Variants in TBL3 observed in about 807,000 individuals in gnomAD.
The protein encoded by TBL3 is transducin beta-like protein 3.
In TBL3, 71 loss-of-function variants were observed where a neutral mutation model predicts 102.7. That is an observed-to-expected ratio of 0.69 (90% CI 0.57 to 0.84). TBL3 has a LOEUF of 0.84. TBL3 is among the 40% of genes least tolerant of loss of function. The pLI is 0.00. For synonymous variants in TBL3, 578 were observed against 477.7 expected (o/e 1.21, Z -2.74); for missense variants, 1,188 against 1,098.5 (o/e 1.08, Z -1.15).
At chr16:1,975,305 AG>A (rs777442930) in intron 8 of TBL3, 39 bp from the exon 9 acceptor site, 13 of 1,613,630 alleles carry the variant, frequency 8.1e-6, no homozygotes, top group Admixed American at 1.7e-5. Context: ...TTGGGTGGGG[AG>A]GGGGCATGAT....
In TBL3 at chr16:1,980,901, C is replaced by G; in HGVS notation, c.*2216C>G. The G allele has an allele frequency of 6.3e-7, 1 of 1,576,158 alleles. No homozygotes were observed. Among genetic ancestry groups the G allele is most frequent in the Non-Finnish European group, 8.7e-7 (1 of 1,149,328 alleles). On this transcript the variant is annotated 3_prime_UTR_variant, in exon 22 of 22. Coordinates refer to ENST00000568546, the MANE Select transcript of TBL3 (RefSeq NM_006453.3). ...AGTGGGAGGCAGCCGCGTGGGGAAG[C>G]CGCCACCGCGGCATCAGGGTGGCCC... is the stretch of plus-strand genomic sequence containing the variant.
rs757104646 is a variant in TBL3 at position 1,975,961 on chromosome 16, C to A, written c.1129+12C>A. ...CCACGGCCACACGGGTGAGTGGGGC[C>A]AGCCCACCTGACACCCTGGGAGCCG... On this transcript the variant is annotated intron_variant, in intron 11 of 21. Transcript: ENST00000568546. 1 of 1,614,060 alleles carries A rather than the reference C, an allele frequency of 6.2e-7. No homozygotes were observed. The highest frequency in any genetic ancestry group is 1.3e-5 in the African/African-American group (1 of 74,956).
In TBL3 at chr16:1,976,219, C is replaced by T. The variant is rs368045313; in HGVS notation, c.1197C>T (p.Ser399=). ...WLFASCAKDQ[S]VRIWRMNKAG... is the part of the protein sequence containing the mutation. ...CAACTCCCTGTCCCCAGGATCAGAG[C>T]GTCCGTATCTGGAGAATGAACAAGG... The change falls in exon 13 of 22, where the codon AGC becomes AGT. Residue 399 remains serine (S), a synonymous_variant. Transcript: ENST00000568546. The T allele has an allele frequency of 1.3e-5, 21 of 1,614,056 alleles. No homozygotes were observed. The highest frequency in any genetic ancestry group is 1.7e-5 in the Non-Finnish European group (20 of 1,180,036).
chr16:1,976,904 C>T lies in TBL3; in HGVS notation c.1383C>T (p.Ala461=). ...LPKALLSKNT[A]PDNGPILLQA... ...AAGCCTTGCTGTCCAAGAACACAGC[C>T]CCAGACAACGGCCCTATCCTCCTGC... is the stretch of plus-strand genomic sequence containing the variant. The change falls in exon 14 of 22, where the codon GCC becomes GCT. Residue 461 remains alanine (A), a synonymous_variant. Coordinates refer to ENST00000568546, the MANE Select transcript of TBL3 (RefSeq NM_006453.3). The T allele has an allele frequency of 6.2e-7, 1 of 1,613,972 alleles. No homozygotes were observed. The highest frequency in any genetic ancestry group is 1.3e-5 in the African/African-American group (1 of 75,020).
In TBL3 at chr16:1,977,342, C is replaced by T; in HGVS notation, c.1672-14C>T. The T allele has an allele frequency of 6.2e-7, 1 of 1,613,504 alleles. No individual in the cohort carries two copies. The highest frequency in any genetic ancestry group is 1.1e-5 in the South Asian group (1 of 91,084). Reference sequence around the variant, plus strand: ...GCCCTGGTGACATCTCATGCCCTACCCCCCACCTTGCAGACATTTGAGGGG... The same window carrying T: ...GCCCTGGTGACATCTCATGCCCTACTCCCCACCTTGCAGACATTTGAGGGG... On this transcript the variant is annotated splice_polypyrimidine_tract_variant and intron_variant, in intron 15 of 21. Transcript: ENST00000568546.
At position 1,979,656 on chromosome 16, in the gene TBL3, C is replaced by T. The variant is rs1259727065; in HGVS notation, c.*971C>T. ...TGCTGACGGCGGGGCCGCTCTAAGA[C>T]CGGTTCGGGGCTTCCTCTAGGTGCG... On this transcript the variant is annotated 3_prime_UTR_variant, in exon 22 of 22. Transcript: ENST00000568546. 5 of 1,225,286 alleles carry T rather than the reference C, an allele frequency of 4.1e-6. No homozygotes were observed. Among genetic ancestry groups the T allele is most frequent in the African/African-American group, 1.5e-5 (1 of 66,776 alleles). The allele number at this position is 1,225,286 out of a possible 1,614,324, so 75.9% of individuals were successfully genotyped here. A position where few individuals can be genotyped will look rare whatever the true frequency, so the allele number is the denominator to read the frequency against.
In TBL3 at chr16:1,974,694, T is replaced by C. The variant is rs754053349; in HGVS notation, c.379+15T>C. The C allele has an allele frequency of 6.2e-7, 1 of 1,611,330 alleles. No individual in the cohort carries two copies. Among genetic ancestry groups the C allele is most frequent in the East Asian group, 2.2e-5 (1 of 44,844 alleles). On this transcript the variant is annotated intron_variant, in intron 5 of 21. Transcript: ENST00000568546. The stretch of plus-strand genomic sequence containing the variant: ...GCTAGCCACAGGTAGGGCCCTGCCG[T>C]GCAGGTGGGTCGTGGGCACAGATGC...
At chr16:1,973,688 G>A (rs1419108166) in intron 1 of TBL3, among the ~76,000 whole-genome samples, 2 of 152,140 alleles carry the variant, frequency 1.3e-5, no homozygotes, top group African/African-American at 4.8e-5. Flanking sequence ...CTGGGAGGAT[G>A]TGCTCTGGGC....
At position 1,975,025 on chromosome 16, in the gene TBL3, C is replaced by T. The variant is rs1236559690; in HGVS notation, c.562C>T (p.Leu188=). The T allele has an allele frequency of 3.7e-6, 6 of 1,607,062 alleles. No individual in the cohort carries two copies. In the African/African-American group the frequency reaches 8.0e-5, roughly 21 times the overall value. The change falls in exon 7 of 22, where the codon CTG becomes TTG. Residue 188 remains leucine, a synonymous_variant. Coordinates refer to ENST00000568546, the MANE Select transcript of TBL3 (RefSeq NM_006453.3). ...GTGGTCACTGCAGGACCGGTCATGC[C>T]TGGCTGTGCTGACTGCCCACTACAG... is the stretch of plus-strand genomic sequence containing the variant. ...RVWSLQDRSC[L]AVLTAHYSAV...
chr16:1,979,455 T>A lies in TBL3; in HGVS notation c.*770T>A, dbSNP rs759518915. The A allele has an allele frequency of 6.2e-7, 1 of 1,611,284 alleles. No individual in the cohort carries two copies. The highest frequency in any genetic ancestry group is 1.3e-5 in the African/African-American group (1 of 74,978). On this transcript the variant is annotated 3_prime_UTR_variant, in exon 22 of 22. Transcript: ENST00000568546. ...TAGCCACCAGCCGCGGTCTGACGTT[T>A]CCAACACGCGCACGCGCGCCCCCGC... is the stretch of plus-strand genomic sequence containing the variant.
chr16:1,979,865 A>C lies in TBL3; in HGVS notation c.*1180A>C. On this transcript the variant is annotated 3_prime_UTR_variant, in exon 22 of 22. Coordinates refer to ENST00000568546, the MANE Select transcript of TBL3 (RefSeq NM_006453.3). ...TCCTCCAGGTAGGGCGCTGGAAACC[A>C]GGCGGTCTGCCGGTCTTCGTTCTCC... The C allele has an allele frequency of 6.3e-7, 1 of 1,581,842 alleles. No individual in the cohort carries two copies. The highest frequency in any genetic ancestry group is 8.6e-7 in the Non-Finnish European group (1 of 1,165,200).
chr16:1,979,866 G>T lies in TBL3; in HGVS notation c.*1181G>T. ...CCTCCAGGTAGGGCGCTGGAAACCA[G>T]GCGGTCTGCCGGTCTTCGTTCTCCA... On this transcript the variant is annotated 3_prime_UTR_variant, in exon 22 of 22. Transcript: ENST00000568546. 1 of 1,581,900 alleles carries T rather than the reference G, an allele frequency of 6.3e-7. No individual in the cohort carries two copies.
Position 1,980,836 on chromosome 16 carries a change from C to G in TBL3, c.*2151C>G. ...CAGGGGCTGGGAGCTTCAGCAGGGA[C>G]GAAGGGCCTCCAGTGGGAGTCACTG... On this transcript the variant is annotated 3_prime_UTR_variant, in exon 22 of 22. Transcript: ENST00000568546. The G allele has an allele frequency of 2.0e-6, 3 of 1,464,176 alleles. No homozygotes were observed. The highest frequency in any genetic ancestry group is 2.8e-6 in the Non-Finnish European group (3 of 1,064,076). The allele number at this position is 1,464,176 out of a possible 1,614,324, so 90.7% of individuals were successfully genotyped here.
chr16:1,981,111 T>C lies in TBL3; in HGVS notation c.*2426T>C. On this transcript the variant is annotated 3_prime_UTR_variant, in exon 22 of 22. Transcript: ENST00000568546. ...GGCCACTAAGGACCCAGCCAGGTCT[T>C]ACTTGGAGCCTCTTGATCTGCACCA... 6.2e-7 allele frequency: 1 copy of C among 1,613,386 alleles called. No homozygotes were observed. Among genetic ancestry groups the C allele is most frequent in the South Asian group, 1.1e-5 (1 of 91,084 alleles).
At position 1,974,572 on chromosome 16, in the gene TBL3, C is replaced by G; in HGVS notation, c.272C>G (p.Ala91Gly). Residue 91 changes from alanine (A) to glycine (G), a missense_variant, in exon 5 of 22, where the codon GCT becomes GGT. Physicochemically the swap from Ala to Gly is moderately conservative, Grantham distance 60 (BLOSUM62 0). Transcript: ENST00000568546. ...LVTASRALLL[A>G]QWAWQEGSVT... ...ACAGCCAGTCGGGCATTGCTGCTGGCTCAGTGGGCCTGGCAAGAGGGCAGC... is the reference window on the plus strand; with the variant it reads ...ACAGCCAGTCGGGCATTGCTGCTGGGTCAGTGGGCCTGGCAAGAGGGCAGC... 6.2e-7 allele frequency: 1 copy of G among 1,610,762 alleles called. No individual in the cohort carries two copies. Among genetic ancestry groups the G allele is most frequent in the Admixed American group, 1.7e-5 (1 of 59,922 alleles).
At position 1,979,441 on chromosome 16, in the gene TBL3, C is replaced by A. The variant is rs779276996; in HGVS notation, c.*756C>A. 1.9e-6 allele frequency: 3 copies of A among 1,610,332 alleles called. No homozygotes were observed. The highest frequency in any genetic ancestry group is 2.2e-5 in the East Asian group (1 of 44,808). ...CCCGCGTACCTGCATAGCCACCAGC[C>A]GCGGTCTGACGTTTCCAACACGCGC... On this transcript the variant is annotated 3_prime_UTR_variant, in exon 22 of 22. Coordinates refer to ENST00000568546, the MANE Select transcript of TBL3 (RefSeq NM_006453.3).
chr16:1,979,138 G>A lies in TBL3; in HGVS notation c.*453G>A. 3 of 1,473,864 alleles carry A rather than the reference G, an allele frequency of 2.0e-6. No homozygotes were observed. Among genetic ancestry groups the A allele is most frequent in the Non-Finnish European group, 2.7e-6 (3 of 1,124,410 alleles). The allele number at this position is 1,473,864 out of a possible 1,614,324, so 91.3% of individuals were successfully genotyped here. A position where few individuals can be genotyped will look rare whatever the true frequency, so the allele number is the denominator to read the frequency against. ...CGTGGGCGCCGCTCCAGGGCCCTGC[G>A]TGTGACGGTGCAGCAGCGGCTCTGG... is the stretch of plus-strand genomic sequence containing the variant. On this transcript the variant is annotated 3_prime_UTR_variant, in exon 22 of 22. Coordinates refer to ENST00000568546, the MANE Select transcript of TBL3 (RefSeq NM_006453.3).
chr16:1,977,593 G>A lies in TBL3; in HGVS notation c.1822G>A (p.Val608Ile). 2 of 1,572,336 alleles carry A rather than the reference G, an allele frequency of 1.3e-6. No individual in the cohort carries two copies. The highest frequency in any genetic ancestry group is 1.7e-6 in the Non-Finnish European group (2 of 1,157,834). ...VRTLDAHEDK[V>I]WGLHCSRLDD... ...GACGCTGGATGCCCACGAGGACAAG[G>A]TCTGGGGGCTGCACTGCAGCCGGCT... Residue 608 changes from valine (V) to isoleucine (I), a missense_variant, in exon 17 of 22, where the codon GTC becomes ATC. Val to Ile is a conservative substitution (Grantham distance 29, BLOSUM62 3). Coordinates refer to ENST00000568546, the MANE Select transcript of TBL3 (RefSeq NM_006453.3).
rs1041046107 is a variant in TBL3, at chr16:1,978,695, C to T, written c.*10C>T. ...AGGCGCACTGCCCTAGCCGGTCCGG[C>T]CTCTCTCCAGTCCATCCTGAACCCC... is the stretch of plus-strand genomic sequence containing the variant. On this transcript the variant is annotated 3_prime_UTR_variant, in exon 22 of 22. Transcript: ENST00000568546. 6.2e-7 allele frequency: 1 copy of T among 1,604,886 alleles called. No homozygotes were observed. Among genetic ancestry groups the T allele is most frequent in the Admixed American group, 1.7e-5 (1 of 59,740 alleles).
Sources: gnomAD v4.1 joint callset for allele counts (sites outside exome capture counted in the v4.1 genomes callset) on GRCh38, gnomAD v4.1.1 for gene constraint, MANE v1.5 for transcripts, NCBI Gene and HGNC (gene_info 2026-07-23, HGNC 2026-07-21) for gene names.